The following RIMS1 variants were observed in gnomAD, a reference collection of about 807,000 sequenced individuals.
The protein encoded by RIMS1 is regulating synaptic membrane exocytosis protein 1.
Under a neutral mutation model 214.1 loss-of-function variants are expected in RIMS1, and 83 were observed. The observed-to-expected ratio is 0.39, with a 90% CI of 0.32 to 0.47. The LOEUF is 0.47. Among genes scored for constraint, RIMS1 ranks in the 20% least tolerant of loss-of-function variants. The pLI is 0.99. For synonymous variants in RIMS1, 793 were observed against 786.8 expected, an observed-to-expected ratio of 1.01 and a Z score of -0.13; for missense variants, 2,050 against 2,161.8, an observed-to-expected ratio of 0.95 and a Z score of 1.03.
In RIMS1 at chr6:72,385,822, G is replaced by A. The variant is rs567042442; in HGVS notation, c.4367-4776G>A. Among the ~76,000 whole-genome samples, 6 of 152,168 alleles carry A rather than the reference G, an allele frequency of 3.9e-5. No individual in the cohort carries two copies. In the South Asian group the frequency reaches 1.2e-3, roughly 32 times the overall value. On this transcript the variant is annotated intron_variant, in intron 29 of 33. Coordinates refer to ENST00000521978, the MANE Select transcript of RIMS1 (RefSeq NM_014989.7). ...TCCTCACATTCCAAATTAATATTGG[G>A]ACCCTTATGAATTTAAACAAGGCAA...
At chr6:72,013,629 G>C (rs939879883) in intron 2 of RIMS1, among the ~76,000 whole-genome samples, 6 of 152,182 alleles carry the variant, frequency 3.9e-5, no homozygotes, top group African/African-American at 1.4e-4. Flanking sequence ...GGCTAGGTCT[G>C]TCATTTTACT....
At chr6:72,371,789 G>T (rs536288510) in intron 29 of RIMS1, among the ~76,000 whole-genome samples, 1 of 152,310 alleles carries the variant, frequency 6.6e-6, no homozygotes, top group Non-Finnish European at 1.5e-5. Context: ...AAGGGGCAAA[G>T]CTTTTGGTAA....
chr6:72,066,987 C>T (rs1265472554), intron 2 of RIMS1, among the ~76,000 whole-genome samples: 1 of 152,088 alleles, frequency 6.6e-6, no homozygotes, highest in Non-Finnish European at 1.5e-5. Context: ...ATTTTCAATA[C>T]CTCCCTTGCT....
intron 6 of RIMS1, among the ~76,000 whole-genome samples, chr6:72,229,101 G>T (rs1378171771): frequency 1.3e-5 from 2 of 151,346 alleles, no homozygotes; most frequent in Non-Finnish European, 3.0e-5. Flanking sequence ...ACTTAAAATT[G>T]TTAAAGAAGT....
At chr6:72,142,566 TCA>T (rs1483250835) in intron 4 of RIMS1, among the ~76,000 whole-genome samples, 4 of 152,104 alleles carry the variant, frequency 2.6e-5, no homozygotes, top group Non-Finnish European at 5.9e-5. Context: ...TTATGAGTGG[TCA>T]CAGACTGATC....
intron 1 of RIMS1, among the ~76,000 whole-genome samples, chr6:71,966,394 C>T (rs1433294248): frequency 2.0e-5 from 3 of 152,066 alleles, no homozygotes; most frequent in East Asian, 3.8e-4. Flanking sequence ...AAGTTTTTAT[C>T]AGAAAGATTC....
At chr6:72,326,472 CT>C (rs1448983987) in intron 28 of RIMS1, among the ~76,000 whole-genome samples, 1 of 151,674 alleles carries the variant, frequency 6.6e-6, no homozygotes, top group African/African-American at 2.4e-5. Context: ...GCTTCTGATG[CT>C]TTAATGTTAT....
At chr6:72,044,710 G>A (rs1484517808) in intron 2 of RIMS1, among the ~76,000 whole-genome samples, 1 of 151,854 alleles carries the variant, frequency 6.6e-6, no homozygotes, top group African/African-American at 2.4e-5. Context: ...ACATTAACAA[G>A]TGTGGACAAA....
At chr6:72,049,966 A>G (rs1824169525) in intron 2 of RIMS1, among the ~76,000 whole-genome samples, 1 of 152,202 alleles carries the variant, frequency 6.6e-6, no homozygotes, top group Admixed American at 6.5e-5. Context: ...GGTCAGAAAA[A>G]TTAAAGAGAA....
At chr6:72,392,840 A>G (rs1414543751) in intron 31 of RIMS1, 30 bp downstream of exon 31, 4 of 1,452,224 alleles carry the variant, frequency 2.8e-6, no homozygotes, top group Non-Finnish European at 3.8e-6. Flanking sequence ...TCTACAAGAA[A>G]ATTGATGTTT....
intron 29 of RIMS1, among the ~76,000 whole-genome samples, chr6:72,377,107 G>T (rs2098404046): frequency 6.6e-6 from 1 of 152,142 alleles, no homozygotes. Flanking sequence ...GACCAAGGAG[G>T]TCACATTTCA....
intron 2 of RIMS1, among the ~76,000 whole-genome samples, chr6:72,009,376 A>C (rs1809335102): frequency 6.6e-6 from 1 of 152,264 alleles, no homozygotes; most frequent in Non-Finnish European, 1.5e-5. Flanking sequence ...AAAGCAGGAA[A>C]GATCTAAAAT....
At chr6:72,029,976 C>A (rs1817620319) in intron 2 of RIMS1, among the ~76,000 whole-genome samples, 1 of 152,220 alleles carries the variant, frequency 6.6e-6, no homozygotes, top group Admixed American at 6.5e-5. Context: ...ATGTAGAGAA[C>A]AATCTAGATA....
chr6:72,134,166 TA>T (rs1412689703), intron 4 of RIMS1, among the ~76,000 whole-genome samples: 2 of 152,274 alleles, frequency 1.3e-5, no homozygotes, highest in East Asian at 1.9e-4. Flanking sequence ...ATTTGTATCC[TA>T]AATCATAAAC....
chr6:71,890,366 G>T (rs933871814), intron 1 of RIMS1, among the ~76,000 whole-genome samples: 1 of 151,912 alleles, frequency 6.6e-6, no homozygotes, highest in East Asian at 1.9e-4. Context: ...GCAAATTAGA[G>T]GTCTTTTCTT....
chr6:71,978,322 G>A (rs1045677051), intron 2 of RIMS1, among the ~76,000 whole-genome samples: 4 of 151,984 alleles, frequency 2.6e-5, no homozygotes, highest in Non-Finnish European at 5.9e-5. Flanking sequence ...TACTTATATA[G>A]CACTTCAAAT....
At chr6:72,014,884 TATCTA>T (rs1161399617) in intron 2 of RIMS1, among the ~76,000 whole-genome samples, 6 of 152,226 alleles carry the variant, frequency 3.9e-5, no homozygotes, top group African/African-American at 1.4e-4. Context: ...TTTGGAGAAA[TATCTA>T]ATCAAATTCC....
intron 6 of RIMS1, among the ~76,000 whole-genome samples, chr6:72,219,506 A>G (rs558491347): frequency 2.6e-4 from 39 of 152,286 alleles, no homozygotes; most frequent in African/African-American, 9.1e-4. Context: ...TGAGTCTTGA[A>G]TATCTGGGAA....
chr6:72,184,489 T>C (rs1305809076), intron 6 of RIMS1, among the ~76,000 whole-genome samples: 1 of 152,204 alleles, frequency 6.6e-6, no homozygotes, highest in African/African-American at 2.4e-5. Context: ...AGGATTGCTA[T>C]AAAAATGTGT....
Sources: gnomAD v4.1 joint callset for allele counts (sites outside exome capture counted in the v4.1 genomes callset) on GRCh38, gnomAD v4.1.1 for gene constraint, MANE v1.5 for transcripts, NCBI Gene and HGNC (gene_info 2026-07-23, HGNC 2026-07-21) for gene names.